The following PRKCE variants were observed in gnomAD, a reference collection of about 807,000 sequenced individuals.
The protein encoded by PRKCE is protein kinase C epsilon type.
In PRKCE, 16 loss-of-function variants were observed where a neutral mutation model predicts 85.4. That is an observed-to-expected ratio of 0.19 (90% CI 0.13 to 0.28). The LOEUF (loss-of-function observed/expected upper bound fraction) is 0.28, where lower values mean the gene tolerates loss of function less well. Among genes scored for constraint, PRKCE ranks in the 10% least tolerant of loss-of-function variants. The pLI, the probability that PRKCE is intolerant of heterozygous loss-of-function variation, is 1.00. For missense variants in PRKCE, 573 were observed against 975.2 expected, an observed-to-expected ratio of 0.59 and a Z score of 5.49; for synonymous variants, 388 against 371.5, an observed-to-expected ratio of 1.04 and a Z score of -0.51.
chr2:45,668,746 G>C (rs1308032331), intron 1 of PRKCE, among the ~76,000 whole-genome samples: 2 of 152,154 alleles, frequency 1.3e-5, no homozygotes, highest in African/African-American at 4.8e-5. Flanking sequence ...AATGGGAATA[G>C]TCACATTGGC....
intron 2 of PRKCE, among the ~76,000 whole-genome samples, chr2:45,942,329 G>C (rs1699943383): frequency 6.6e-6 from 1 of 152,176 alleles, no homozygotes; most frequent in South Asian, 2.1e-4. Flanking sequence ...TTACATGTGG[G>C]TTAGGAGAAT....
In PRKCE at chr2:46,134,831, G is replaced by A. The variant is rs73926196; in HGVS notation, c.1593-10262G>A. On this transcript the variant is annotated intron_variant, in intron 11 of 14. Transcript: ENST00000306156. ...CTAGGTGTAAGTGTCACGACGGATC[G>A]TCAGGCTAGCTCACCCACATGCTGG... 5.6e-3 allele frequency among the ~76,000 whole-genome samples: 850 copies of A among 152,332 alleles called. 11 individuals carry two copies. The highest frequency in any genetic ancestry group is 0.02 in the African/African-American group (812 of 41,580).
In PRKCE at chr2:45,978,975, G is replaced by T. The variant is rs1406971457; in HGVS notation, c.573-1G>T. 6.3e-7 allele frequency: 1 copy of T among 1,598,780 alleles called. No homozygotes were observed. Among genetic ancestry groups the T allele is most frequent in the Non-Finnish European group, 8.5e-7 (1 of 1,179,446 alleles). The stretch of plus-strand genomic sequence containing the variant: ...TAAAAAAATGTTATTCTTCTTTTCA[G>T]GGGTGTCATAGGAAAGCAGGGATAC... On this transcript the variant is annotated splice_acceptor_variant, in intron 3 of 14. Coordinates refer to ENST00000306156, the MANE Select transcript of PRKCE (RefSeq NM_005400.3). LOFTEE classifies it high-confidence loss of function.
chr2:45,664,047 G>T (rs895664109), intron 1 of PRKCE, among the ~76,000 whole-genome samples: 1 of 152,202 alleles, frequency 6.6e-6, no homozygotes, highest in Non-Finnish European at 1.5e-5. Context: ...TTTGCTTGGA[G>T]CAAAGTGTTG....
chr2:46,039,042 C>A lies in PRKCE; in HGVS notation c.1437+28525C>A, dbSNP rs370296924. The stretch of plus-strand genomic sequence containing the variant: ...ATTTAGCGTGGTAGTAAGAATACGG[C>A]TTTAATGGCTAACGTAGTTGAGACC... On this transcript the variant is annotated intron_variant, in intron 10 of 14. Coordinates refer to ENST00000306156, the MANE Select transcript of PRKCE (RefSeq NM_005400.3). Among the ~76,000 whole-genome samples the A allele has an allele frequency of 8.5e-5, 13 of 152,302 alleles. No individual in the cohort carries two copies. The South Asian group carries it at 2.7e-3, about 32-fold the overall frequency.
At chr2:46,113,988 C>G (rs1250210397) in intron 11 of PRKCE, among the ~76,000 whole-genome samples, 1 of 152,158 alleles carries the variant, frequency 6.6e-6, no homozygotes, top group Non-Finnish European at 1.5e-5. Context: ...TTATTTTCCT[C>G]TTATATTTTT....
chr2:46,158,925 C>T (rs987663900), intron 13 of PRKCE, among the ~76,000 whole-genome samples: 5 of 152,032 alleles, frequency 3.3e-5, no homozygotes, highest in Non-Finnish European at 7.4e-5. Context: ...AGACACCACC[C>T]AGAAAATATA....
chr2:46,021,581 G>T (rs971228243), intron 10 of PRKCE, among the ~76,000 whole-genome samples: 1 of 152,060 alleles, frequency 6.6e-6, no homozygotes, highest in Non-Finnish European at 1.5e-5. Flanking sequence ...GCCCCTTACC[G>T]ATTAGAAACA....
chr2:45,977,697 AG>A (rs947028622), intron 3 of PRKCE, among the ~76,000 whole-genome samples: 2 of 152,088 alleles, frequency 1.3e-5, no homozygotes, highest in Non-Finnish European at 2.9e-5. Flanking sequence ...ATCGAAGGCC[AG>A]CCCCATTCCA....
chr2:46,151,890 G>A (rs1377715016), intron 13 of PRKCE, among the ~76,000 whole-genome samples: 2 of 152,226 alleles, frequency 1.3e-5, no homozygotes, highest in Non-Finnish European at 2.9e-5. Context: ...TGTCAAGCAA[G>A]TGATGTTACC....
At chr2:45,849,076 C>G (rs79021606) in intron 2 of PRKCE, among the ~76,000 whole-genome samples, 1 of 152,258 alleles carries the variant, frequency 6.6e-6, no homozygotes, top group East Asian at 1.9e-4. Flanking sequence ...CTAGGAGCAT[C>G]CAAACAAAGG....
At chr2:45,952,383 T>C (rs560458152) in intron 2 of PRKCE, among the ~76,000 whole-genome samples, 75 of 152,348 alleles carry the variant, frequency 4.9e-4, no homozygotes, top group African/African-American at 1.7e-3. Context: ...TCTCTCTCTC[T>C]CATGGGCTTA....
rs181621284 is a variant in PRKCE, at chr2:45,848,288, A to G, written c.412+5225A>G. ...AAAATTAAAAAGAACCATTCATTCA[A>G]ATGACCAATAGTTAGCAATTCATTT... is the stretch of plus-strand genomic sequence containing the variant. On this transcript the variant is annotated intron_variant, in intron 2 of 14. Coordinates refer to ENST00000306156, the MANE Select transcript of PRKCE (RefSeq NM_005400.3). Among the ~76,000 whole-genome samples, 197 of 151,738 alleles carry G rather than the reference A, an allele frequency of 1.3e-3. 2 individuals carry two copies. The highest frequency in any genetic ancestry group is 6.8e-3 in the Middle Eastern group (2 of 294).
rs185827754 is a variant in PRKCE at position 46,079,307 on chromosome 2, A to G, written c.1438-6901A>G. Among the ~76,000 whole-genome samples the G allele has an allele frequency of 6.1e-4, 93 of 152,338 alleles. 1 individual carries two copies. Among genetic ancestry groups the G allele is most frequent in the Non-Finnish European group, 1.1e-3 (74 of 68,026 alleles). ...GTGCTAAGATACAATCCAGATGCAT[A>G]GACTTCACAGTCTGATTGGATACAG... On this transcript the variant is annotated intron_variant, in intron 10 of 14. Coordinates refer to ENST00000306156, the MANE Select transcript of PRKCE (RefSeq NM_005400.3).
intron 13 of PRKCE, among the ~76,000 whole-genome samples, chr2:46,157,507 A>C (rs1022531718): frequency 2.6e-5 from 4 of 152,192 alleles, no homozygotes; most frequent in African/African-American, 9.7e-5. Flanking sequence ...TGCACAGGAC[A>C]GCTCCCCCCA....
Position 46,046,247 on chromosome 2 carries a change from A to G in PRKCE, c.1437+35730A>G, listed in dbSNP as rs1263800139. Among the ~76,000 whole-genome samples, 3 of 152,212 alleles carry G rather than the reference A, an allele frequency of 2.0e-5. No homozygotes were observed. The East Asian group carries it at 5.8e-4, about 29-fold the overall frequency. On this transcript the variant is annotated intron_variant, in intron 10 of 14. Transcript: ENST00000306156. ...TGTTCAGAGTAAATCAGCTGCTCCAAGTTGGCTGAGCAGCCAGCCTCCTGT... is the reference window on the plus strand; with the variant it reads ...TGTTCAGAGTAAATCAGCTGCTCCAGGTTGGCTGAGCAGCCAGCCTCCTGT...
At chr2:45,813,635 C>A (rs1688811511) in intron 1 of PRKCE, among the ~76,000 whole-genome samples, 2 of 152,154 alleles carry the variant, frequency 1.3e-5, no homozygotes, top group African/African-American at 4.8e-5. Context: ...CACCCAGCGA[C>A]TTGAATCAAG....
chr2:45,962,711 G>T (rs1000200514), intron 2 of PRKCE, among the ~76,000 whole-genome samples: 18 of 152,146 alleles, frequency 1.2e-4, no homozygotes, highest in African/African-American at 4.3e-4. Flanking sequence ...GAATAACTGG[G>T]AATCTGGCAA....
chr2:45,855,865 G>C (rs1226370853), intron 2 of PRKCE, among the ~76,000 whole-genome samples: 3 of 152,048 alleles, frequency 2.0e-5, no homozygotes, highest in Non-Finnish European at 4.4e-5. Flanking sequence ...CCTGTGAGGA[G>C]GGGCACAATA....
Sources: allele counts gnomAD v4.1 joint callset (sites outside exome capture counted in the v4.1 genomes callset), GRCh38; gene constraint gnomAD v4.1.1; transcripts MANE v1.5; gene names NCBI Gene and HGNC (gene_info 2026-07-23, HGNC 2026-07-21).